Variants in PFKFB3 observed in about 807,000 individuals in gnomAD.
PFKFB3 encodes the protein 6-phosphofructo-2-kinase/fructose-2,6-bisphosphatase 3.
PFKFB3 carries 33 observed loss-of-function variants against 68.0 expected under a neutral mutation model. That is an observed-to-expected ratio of 0.49 (90% CI 0.37 to 0.65). The LOEUF is 0.65. Among genes scored for constraint, PFKFB3 ranks in the 30% least tolerant of loss-of-function variants. PFKFB3 has a pLI of 0.00. For missense variants in PFKFB3, 586 were observed against 712.2 expected, an observed-to-expected ratio of 0.82 and a Z score of 2.02; for synonymous variants, 315 against 288.2, an observed-to-expected ratio of 1.09 and a Z score of -0.94.
At chr10:6,222,818 G>T in intron 10 of PFKFB3, 37 bp from the exon 11 acceptor site, 2 of 1,591,492 alleles carry the variant, frequency 1.3e-6, no homozygotes, top group Non-Finnish European at 1.7e-6. Context: ...CCTCCCGAGT[G>T]CCCTGAGCTC....
chr10:6,309,894 A>G, the PFKFB3 span, among the ~76,000 whole-genome samples: 1 of 152,180 alleles, frequency 6.6e-6, no homozygotes, highest in Non-Finnish European at 1.5e-5. Flanking sequence ...ATTTTTTAAA[A>G]ATGTGTCAAT....
At chr10:6,323,011 CT>C in the PFKFB3 span, among the ~76,000 whole-genome samples, 1 of 152,236 alleles carries the variant, frequency 6.6e-6, no homozygotes, top group African/African-American at 2.4e-5. Flanking sequence ...ATTGTCAGTA[CT>C]TAACAGGTGC....
downstream of PFKFB3, among the ~76,000 whole-genome samples, chr10:6,239,394 C>A (rs576031929): frequency 6.6e-5 from 10 of 152,284 alleles, no homozygotes; most frequent in African/African-American, 2.2e-4. Context: ...AGCCTAAGGG[C>A]TCCACAGACT....
the PFKFB3 span, among the ~76,000 whole-genome samples, chr10:6,276,271 A>G: frequency 1.3e-5 from 2 of 152,162 alleles, no homozygotes; most frequent in Non-Finnish European, 2.9e-5. Context: ...ATGGCCTAGA[A>G]TGGGAGGGGT....
intron 1 of PFKFB3, among the ~76,000 whole-genome samples, chr10:6,151,645 G>A (rs893508680): frequency 3.9e-5 from 6 of 152,184 alleles, no homozygotes; most frequent in African/African-American, 7.2e-5. Context: ...AGTCGTCCCA[G>A]AGGCTTGTCC....
intron 1 of PFKFB3, among the ~76,000 whole-genome samples, chr10:6,163,529 G>A (rs1842025480): frequency 6.6e-6 from 1 of 152,100 alleles, no homozygotes; most frequent in Non-Finnish European, 1.5e-5. Context: ...GGAGGTAGGG[G>A]GGCCAGACGG....
At chr10:6,182,546 G>T (rs994958100) in intron 1 of PFKFB3, among the ~76,000 whole-genome samples, 3 of 152,320 alleles carry the variant, frequency 2.0e-5, no homozygotes, top group African/African-American at 7.2e-5. Flanking sequence ...AGGTCTCCAC[G>T]CCAGCACTGT....
At position 6,177,397 on chromosome 10, in the gene PFKFB3, T is replaced by TTTCTTTCTTTCTTTC. The variant is rs1564599633; in HGVS notation, c.16+32397_16+32398insTCTTCTTTCTTTCTT. On this transcript the variant is annotated intron_variant, in intron 1 of 14. Transcript: ENST00000379789. ...CTTTCTTTCTTTCTTTCTTTCTTTC[T>TTTCTTTCTTTCTTTC]TTCTTTCTTTCTTCTTTCTCTTTCT... Among the ~76,000 whole-genome samples, 7 of 144,492 alleles carry TTTCTTTCTTTCTTTC rather than the reference T, an allele frequency of 4.8e-5. No individual in the cohort carries two copies. The South Asian group carries it at 8.7e-4, about 18-fold the overall frequency. The allele number at this position is 144,492 out of a possible 152,430, so 94.8% of individuals were successfully genotyped here.
chr10:6,279,532 A>G, the PFKFB3 span, among the ~76,000 whole-genome samples: 1 of 145,520 alleles, frequency 6.9e-6, no homozygotes, highest in African/African-American at 2.5e-5. Context: ...GAGCACTTAG[A>G]AGAGAGAAAG....
At chr10:6,296,598 G>A in the PFKFB3 span, among the ~76,000 whole-genome samples, 2 of 152,196 alleles carry the variant, frequency 1.3e-5, no homozygotes, top group South Asian at 2.1e-4. Context: ...AGTTTTCTAG[G>A]AAAGAGGTGG....
At chr10:6,308,635 G>C in the PFKFB3 span, among the ~76,000 whole-genome samples, 1 of 147,256 alleles carries the variant, frequency 6.8e-6, no homozygotes, top group Non-Finnish European at 1.5e-5. Context: ...GGCGCTAAAG[G>C]CATGTTCTCT....
chr10:6,205,603 G>T (rs544896830), intron 1 of PFKFB3, among the ~76,000 whole-genome samples: 7 of 151,988 alleles, frequency 4.6e-5, no homozygotes, highest in African/African-American at 1.4e-4. Context: ...ATGTTGGCCA[G>T]GCTGGTCTTG....
intron 1 of PFKFB3, among the ~76,000 whole-genome samples, chr10:6,169,142 A>T (rs58138401): frequency 0.019 from 2,941 of 152,176 alleles, 104 homozygotes; most frequent in African/African-American, 0.067. Context: ...GGGTCTTGCC[A>T]TGTTGGCCAG....
intron 1 of PFKFB3, among the ~76,000 whole-genome samples, chr10:6,172,908 G>T (rs569244505): frequency 6.6e-5 from 10 of 151,750 alleles, no homozygotes; most frequent in Non-Finnish European, 1.5e-4. Context: ...GTGCTGGGGC[G>T]CATCTGTCCT....
upstream of PFKFB3, among the ~76,000 whole-genome samples, chr10:6,200,460 T>C (rs1261089912): frequency 6.6e-6 from 1 of 151,992 alleles, no homozygotes. Context: ...ACCAGTAAAT[T>C]ACCAGAATAC....
chr10:6,226,573 C>T lies in PFKFB3; in HGVS notation c.1515+208C>T, dbSNP rs989000915. 8.8e-5 allele frequency: 49 copies of T among 558,722 alleles called. No individual in the cohort carries two copies. In the African/African-American group the frequency reaches 8.9e-4, roughly 10 times the overall value. 34.6% of individuals were successfully genotyped at this position (558,722 alleles called of 1,614,324 possible). A position where few individuals can be genotyped will look rare whatever the true frequency, so the allele number is the denominator to read the frequency against. Reference sequence around the variant, plus strand: ...GAGGGAGAACATAGGAAGCACCCTCCGAAGTTAAGATCCTGGGGGCTTTCC... The same window carrying T: ...GAGGGAGAACATAGGAAGCACCCTCTGAAGTTAAGATCCTGGGGGCTTTCC... On this transcript the variant is annotated intron_variant, in intron 14 of 14. Coordinates refer to ENST00000379775, the MANE Select transcript of PFKFB3 (RefSeq NM_004566.4).
downstream of PFKFB3, among the ~76,000 whole-genome samples, chr10:6,235,902 G>A (rs549556903): frequency 1.3e-5 from 2 of 151,946 alleles, no homozygotes; most frequent in South Asian, 4.2e-4. Flanking sequence ...TAGTAGCTGG[G>A]ATTACAGGTG....
intron 1 of PFKFB3, among the ~76,000 whole-genome samples, chr10:6,160,934 T>C (rs1230395859): frequency 1.3e-5 from 2 of 152,036 alleles, no homozygotes; most frequent in African/African-American, 4.8e-5. Context: ...ATTTTTTTAA[T>C]TTATTTTTTT....
Position 6,177,535 on chromosome 10 carries a change from T to C in PFKFB3, c.16+32522T>C, listed in dbSNP as rs184100915. 5.0e-4 allele frequency among the ~76,000 whole-genome samples: 75 copies of C among 149,116 alleles called. 2 individuals carry two copies. The South Asian group carries it at 0.015, about 30-fold the overall frequency. The stretch of plus-strand genomic sequence containing the variant: ...TCTCTCTTTCCTTTCTTTTTCTTTT[T>C]TTTTTTTGAGACGGAGTTTCACTCT... On this transcript the variant is annotated intron_variant, in intron 1 of 14. Coordinates refer to the PFKFB3 transcript ENST00000379789.
Sources: allele counts gnomAD v4.1 joint callset (sites outside exome capture counted in the v4.1 genomes callset), GRCh38; gene constraint gnomAD v4.1.1; transcripts MANE v1.5; gene names NCBI Gene and HGNC (gene_info 2026-07-23, HGNC 2026-07-21).